The following ROS1 variants were observed in gnomAD, a reference collection of about 807,000 sequenced individuals.
The protein encoded by ROS1 is proto-oncogene tyrosine-protein kinase ROS.
In ROS1, 263 loss-of-function variants were observed where a neutral mutation model predicts 273.5. The ratio of observed to expected loss-of-function variants is 0.96; its 90% CI spans 0.87 to 1.06. The LOEUF is 1.06. Among genes scored for constraint, ROS1 ranks in the 50% least tolerant of loss-of-function variants. The pLI is 0.00. For missense variants in ROS1, 2,833 were observed against 2,751.1 expected (o/e 1.03, Z -0.67); for synonymous variants, 1,008 against 954.1 (o/e 1.06, Z -1.04).
intron 26 of ROS1, among the ~76,000 whole-genome samples, chr6:117,356,314 C>T (rs530055394): frequency 2.2e-4 from 33 of 152,306 alleles, no homozygotes; most frequent in Non-Finnish European, 4.0e-4. Flanking sequence ...TTAGTACCTA[C>T]TGCACTGAGG....
chr6:117,421,304 T>C (rs1168967276), intron 1 of ROS1, among the ~76,000 whole-genome samples: 2 of 151,026 alleles, frequency 1.3e-5, no homozygotes, highest in Admixed American at 1.3e-4. Flanking sequence ...TGGTTTTTGG[T>C]TACATGGATA....
At chr6:117,371,781 G>A (rs9387468) in intron 18 of ROS1, among the ~76,000 whole-genome samples, 9,826 of 152,158 alleles carry the variant, frequency 0.065, 380 homozygotes, top group Middle Eastern at 0.099. Context: ...GGGCGAGGCC[G>A]GTCACTGCTG....
At chr6:117,295,421 G>A (rs538091027) in intron 43 of ROS1, among the ~76,000 whole-genome samples, 1 of 152,280 alleles carries the variant, frequency 6.6e-6, no homozygotes, top group East Asian at 1.9e-4. Context: ...CCAGGACATT[G>A]GTTGGGGCAA....
intron 4 of ROS1, 149 bp downstream of exon 4, chr6:117,414,370 C>A: frequency 7.9e-6 from 5 of 629,186 alleles, no homozygotes; most frequent in South Asian, 5.8e-5. Flanking sequence ...TTACAGTCAT[C>A]TGTATACTCA....
chr6:117,327,565 A>T (rs79357692), intron 33 of ROS1, among the ~76,000 whole-genome samples: 3 of 152,282 alleles, frequency 2.0e-5, no homozygotes, highest in East Asian at 3.9e-4. Flanking sequence ...GTTTTAATTC[A>T]CTGAGTCCAC....
At chr6:117,390,065 AT>A (rs1772936610) in intron 12 of ROS1, among the ~76,000 whole-genome samples, 1 of 152,228 alleles carries the variant, frequency 6.6e-6, no homozygotes, top group African/African-American at 2.4e-5. Flanking sequence ...CTCACTTGTA[AT>A]GCTTAGTCTC....
At chr6:117,372,302 A>G (rs73566855) in intron 18 of ROS1, among the ~76,000 whole-genome samples, 27 of 152,366 alleles carry the variant, frequency 1.8e-4, no homozygotes, top group African/African-American at 6.5e-4. Flanking sequence ...AGAGGAAGTC[A>G]TACTATCACT....
At chr6:117,425,251 TGCAAAATTG>T (rs1220854385) in intron 1 of ROS1, among the ~76,000 whole-genome samples, 1 of 152,180 alleles carries the variant, frequency 6.6e-6, no homozygotes, top group East Asian at 1.9e-4. Flanking sequence ...TTTTTAAGTG[TGCAAAATTG>T]GCAAAATTGA....
At chr6:117,388,024 C>T (rs760851170) in intron 13 of ROS1, 32 bp from the exon 14 acceptor site, 4 of 1,613,608 alleles carry the variant, frequency 2.5e-6, no homozygotes, top group East Asian at 2.2e-5. Flanking sequence ...TATCACTGAT[C>T]AGGATGACAT....
chr6:117,425,322 A>T (rs1245945392), intron 1 of ROS1, among the ~76,000 whole-genome samples: 1 of 152,194 alleles, frequency 6.6e-6, no homozygotes, highest in African/African-American at 2.4e-5. Context: ...ATATATGACC[A>T]CATACCCTAA....
chr6:117,406,759 T>C (rs765515), intron 5 of ROS1, among the ~76,000 whole-genome samples: 72,294 of 152,012 alleles, frequency 0.48, 18,465 homozygotes, highest in African/African-American at 0.65. Context: ...TGGTATCTAA[T>C]AATTTGGTAG....
rs1216874499 is a variant in ROS1, at chr6:117,425,852, C to T, written c.-196G>A. On this transcript the variant is annotated 5_prime_UTR_variant, in exon 1 of 44. Coordinates refer to ENST00000368507, the MANE Select transcript of ROS1 (RefSeq NM_001378902.1). ...ATTTAGACCTTTGAATGCTTGAAAG[C>T]TTGTAACAGTTCCATAAGAGCTATT... 5.8e-6 allele frequency: 3 copies of T among 519,796 alleles called. No individual in the cohort carries two copies. The highest frequency in any genetic ancestry group is 1.0e-5 in the Non-Finnish European group (3 of 300,136). The allele number at this position is 519,796 out of a possible 1,614,324, so 32.2% of individuals were successfully genotyped here.
intron 9 of ROS1, 51 bp downstream of exon 9, chr6:117,396,137 C>T: frequency 6.8e-7 from 1 of 1,471,974 alleles, no homozygotes. Flanking sequence ...TCTGAAACCA[C>T]CCTTGCCACC....
intron 12 of ROS1, among the ~76,000 whole-genome samples, chr6:117,391,426 G>A (rs1773058651): frequency 6.6e-6 from 1 of 152,176 alleles, no homozygotes; most frequent in South Asian, 2.1e-4. Flanking sequence ...ATGGGAAGAG[G>A]AGGACAGAGT....
At chr6:117,332,743 C>T (rs1378914752) in intron 32 of ROS1, among the ~76,000 whole-genome samples, 1 of 152,136 alleles carries the variant, frequency 6.6e-6, no homozygotes, top group Non-Finnish European at 1.5e-5. Context: ...TCCTGAATGG[C>T]TCCTGGGTAA....
intron 24 of ROS1, 67 bp from the exon 25 acceptor site, chr6:117,358,076 T>C: frequency 9.8e-7 from 1 of 1,020,614 alleles, no homozygotes; most frequent in Non-Finnish European, 1.5e-6. Flanking sequence ...GACTTTTCTA[T>C]ATTCACCCAT....
At chr6:117,327,450 T>G (rs1259535039) in intron 33 of ROS1, among the ~76,000 whole-genome samples, 1 of 152,146 alleles carries the variant, frequency 6.6e-6, no homozygotes, top group Non-Finnish European at 1.5e-5. Flanking sequence ...TGAGAATTTG[T>G]GAAGTGGCTC....
chr6:117,424,635 T>A (rs1260982372), intron 1 of ROS1, among the ~76,000 whole-genome samples: 3 of 151,994 alleles, frequency 2.0e-5, no homozygotes, highest in Non-Finnish European at 2.9e-5. Flanking sequence ...ACTAAACTTT[T>A]AAAAAAATGC....
chr6:117,324,971 T>C (rs910467807), intron 34 of ROS1, among the ~76,000 whole-genome samples: 2 of 152,040 alleles, frequency 1.3e-5, no homozygotes, highest in African/African-American at 4.8e-5. Context: ...TAAAGTGTTA[T>C]TTTTAAAAAG....
Sources: allele counts gnomAD v4.1 joint callset (sites outside exome capture counted in the v4.1 genomes callset), GRCh38; gene constraint gnomAD v4.1.1; transcripts MANE v1.5; gene names NCBI Gene and HGNC (gene_info 2026-07-23, HGNC 2026-07-21).